The following GABRB1 variants were observed in gnomAD, a reference collection of about 807,000 sequenced individuals.
GABRB1 encodes the protein gamma-aminobutyric acid type A receptor subunit beta1, also known as gamma-aminobutyric acid receptor subunit beta-1.
A neutral mutation model predicts 51.6 loss-of-function variants in GABRB1; 17 were observed. The ratio of observed to expected loss-of-function variants is 0.33; its 90% CI spans 0.23 to 0.49. GABRB1 has a LOEUF of 0.49. Among genes scored for constraint, GABRB1 ranks in the 20% least tolerant of loss-of-function variants. The pLI is 0.99. For missense variants in GABRB1, 410 were observed against 600.6 expected, an observed-to-expected ratio of 0.68 and a Z score of 3.32; for synonymous variants, 247 against 218.9, an observed-to-expected ratio of 1.13 and a Z score of -1.14.
chr4:47,212,491 A>G (rs1233949302), intron 4 of GABRB1, among the ~76,000 whole-genome samples: 1 of 152,180 alleles, frequency 6.6e-6, no homozygotes, highest in Non-Finnish European at 1.5e-5. Context: ...CCTGGCCAAC[A>G]TGGTGAAAAC....
At chr4:47,060,290 C>T (rs1476710763) in intron 3 of GABRB1, among the ~76,000 whole-genome samples, 1 of 152,142 alleles carries the variant, frequency 6.6e-6, no homozygotes, top group African/African-American at 2.4e-5. Flanking sequence ...TCCTGTCATA[C>T]CTGAATACCA....
chr4:47,227,619 G>A (rs1001747378), intron 4 of GABRB1, among the ~76,000 whole-genome samples: 1 of 152,126 alleles, frequency 6.6e-6, no homozygotes, highest in Admixed American at 6.6e-5. Flanking sequence ...AACCAACAGA[G>A]TAGGACTTTT....
At chr4:47,274,611 C>G (rs778747835) in intron 4 of GABRB1, among the ~76,000 whole-genome samples, 44 of 152,128 alleles carry the variant, frequency 2.9e-4, no homozygotes, top group Non-Finnish European at 4.7e-4. Flanking sequence ...GACCCCAGTA[C>G]TCAATTTCAA....
chr4:47,327,325 T>C (rs1355257999), intron 5 of GABRB1, among the ~76,000 whole-genome samples: 2 of 143,994 alleles, frequency 1.4e-5, no homozygotes, highest in Non-Finnish European at 3.0e-5. Flanking sequence ...ACCGTATCGC[T>C]TAAAAGAAAA....
chr4:46,998,457 G>A (rs561596834), intron 1 of GABRB1, among the ~76,000 whole-genome samples: 5 of 152,078 alleles, frequency 3.3e-5, no homozygotes, highest in South Asian at 2.1e-4. Context: ...GGCCAGCCAG[G>A]CATGGTAGCT....
At chr4:47,268,395 G>T (rs1210101839) in intron 4 of GABRB1, among the ~76,000 whole-genome samples, 4 of 152,156 alleles carry the variant, frequency 2.6e-5, no homozygotes, top group Non-Finnish European at 4.4e-5. Flanking sequence ...TGGTTCAAAT[G>T]ATTTCCTTCA....
chr4:47,416,750 C>G (rs996899225), intron 8 of GABRB1, among the ~76,000 whole-genome samples: 5 of 152,088 alleles, frequency 3.3e-5, no homozygotes, highest in African/African-American at 1.2e-4. Context: ...CTGCACCCAG[C>G]CTGTTTTGCA....
At chr4:47,152,080 A>G (rs1236649037) in intron 3 of GABRB1, among the ~76,000 whole-genome samples, 4 of 151,986 alleles carry the variant, frequency 2.6e-5, no homozygotes, top group Non-Finnish European at 1.5e-5. Flanking sequence ...AAATCTGTCA[A>G]TTCTCTATGT....
chr4:47,400,234 G>C lies in GABRB1; in HGVS notation c.545-3084G>C, dbSNP rs563591411. Among the ~76,000 whole-genome samples, 3 of 152,076 alleles carry C rather than the reference G, an allele frequency of 2.0e-5. No homozygotes were observed. In the South Asian group the frequency reaches 6.2e-4, roughly 32 times the overall value. On this transcript the variant is annotated intron_variant, in intron 5 of 8. Transcript: ENST00000295454. Reference sequence around the variant, plus strand: ...CCATTGAGTTTTAGAATAAAAAGTTGCCTGTGCTGTAATCAGATATCTGTA... The same window carrying C: ...CCATTGAGTTTTAGAATAAAAAGTTCCCTGTGCTGTAATCAGATATCTGTA...
chr4:47,146,394 T>C (rs1401192719), intron 3 of GABRB1, among the ~76,000 whole-genome samples: 1 of 151,930 alleles, frequency 6.6e-6, no homozygotes, highest in Non-Finnish European at 1.5e-5. Flanking sequence ...CAGGCTTAAG[T>C]TCCCTTTGTT....
chr4:47,403,743 CA>C, intron 7 of GABRB1, 32 bp downstream of exon 7: 1 of 1,595,332 alleles, frequency 6.3e-7, no homozygotes, highest in South Asian at 1.1e-5. Context: ...AGAGAGCTAA[CA>C]GATTTTACTT....
intron 4 of GABRB1, among the ~76,000 whole-genome samples, chr4:47,256,982 TCAGTTATCTTC>T (rs1427504405): frequency 6.6e-6 from 1 of 152,188 alleles, no homozygotes; most frequent in Non-Finnish European, 1.5e-5. Context: ...ATTTACTGTT[TCAGTTATCTTC>T]CACTTGCCAC....
intron 3 of GABRB1, among the ~76,000 whole-genome samples, chr4:47,044,823 C>A (rs1235878643): frequency 1.3e-5 from 2 of 149,610 alleles, no homozygotes; most frequent in Non-Finnish European, 3.0e-5. Context: ...TGTGAAATTT[C>A]TTTGTGAGAA....
intron 3 of GABRB1, among the ~76,000 whole-genome samples, chr4:47,064,584 G>A (rs529642188): frequency 9.2e-4 from 126 of 137,400 alleles, no homozygotes; most frequent in African/African-American, 3.3e-3. Flanking sequence ...GTTGCAGTGA[G>A]TCAAGATCGC....
rs202083251 is a variant in GABRB1, at chr4:47,003,235, AT to A, written c.-20+9312del. ...TGGAAAACACTTACATATCTTTAAA[AT>A]TTAGATTAAGTGCAGCTCACTTGTG... is the stretch of plus-strand genomic sequence containing the variant. On this transcript the variant is annotated intron_variant, in intron 1 of 3. Transcript: ENST00000513567. Among the ~76,000 whole-genome samples the A allele has an allele frequency of 7.6e-3, 1,154 of 152,276 alleles. 63 individuals carry two copies. Among genetic ancestry groups the A allele is most frequent in the Admixed American group, 0.068 (1,043 of 15,290 alleles).
At chr4:47,195,444 ATG>A (rs1719633748) in intron 4 of GABRB1, among the ~76,000 whole-genome samples, 1 of 28,586 alleles carries the variant, frequency 3.5e-5, no homozygotes, top group African/African-American at 1.5e-4. Context: ...AGATAGATAG[ATG>A]ATAGATAGAT....
intron 1 of GABRB1, among the ~76,000 whole-genome samples, chr4:47,020,260 A>G (rs113886945): frequency 7.9e-5 from 12 of 152,292 alleles, no homozygotes; most frequent in African/African-American, 2.9e-4. Flanking sequence ...AACACTGATT[A>G]TCTCTTTGAA....
intron 4 of GABRB1, among the ~76,000 whole-genome samples, chr4:47,299,709 A>G (rs1222665086): frequency 1.1e-4 from 16 of 152,278 alleles, no homozygotes; most frequent in African/African-American, 3.6e-4. Context: ...AGAACTAGAA[A>G]TACCATTTGA....
intron 5 of GABRB1, among the ~76,000 whole-genome samples, chr4:47,348,425 TC>T (rs1726183877): frequency 6.6e-6 from 1 of 152,178 alleles, no homozygotes; most frequent in South Asian, 2.1e-4. Context: ...TCAATGTATA[TC>T]AACTTTGTTT....
Sources: allele counts gnomAD v4.1 joint callset (sites outside exome capture counted in the v4.1 genomes callset), GRCh38; gene constraint gnomAD v4.1.1; transcripts MANE v1.5; gene names NCBI Gene and HGNC (gene_info 2026-07-23, HGNC 2026-07-21).